The following TLL1 variants were observed in gnomAD, a reference collection of about 807,000 sequenced individuals.
TLL1 encodes the protein tolloid-like protein 1.
A neutral mutation model predicts 128.2 loss-of-function variants in TLL1; 49 were observed. That is an observed-to-expected ratio of 0.38 (90% CI 0.30 to 0.48). The LOEUF (loss-of-function observed/expected upper bound fraction) is 0.48. Ranked by LOEUF, TLL1 falls within the 20% of genes least tolerant of loss-of-function variation. The probability of loss-of-function intolerance (pLI) is 0.96; values close to 1 mark genes in which losing one functional copy is unlikely to be tolerated. For synonymous variants in TLL1, 454 were observed against 418.8 expected (o/e 1.08, Z -1.03); for missense variants, 1,123 against 1,242.0 (o/e 0.90, Z 1.44).
At chr4:166,097,678 A>G (rs1021062319) in intron 19 of TLL1, among the ~76,000 whole-genome samples, 3 of 152,144 alleles carry the variant, frequency 2.0e-5, no homozygotes, top group Non-Finnish European at 2.9e-5. Flanking sequence ...TGGGTAAACT[A>G]TATTCAAATC....
intron 1 of TLL1, among the ~76,000 whole-genome samples, chr4:165,957,972 G>T (rs1734893267): frequency 6.7e-6 from 1 of 149,274 alleles, no homozygotes. Flanking sequence ...TTGGTTTTTT[G>T]TCCTTGTGAT....
chr4:165,926,225 G>A (rs1733262087), intron 1 of TLL1, among the ~76,000 whole-genome samples: 1 of 152,098 alleles, frequency 6.6e-6, no homozygotes, highest in Admixed American at 6.5e-5. Context: ...TGAAATAGAA[G>A]TACTATACCA....
At chr4:165,908,654 A>T (rs1001768240) in intron 1 of TLL1, among the ~76,000 whole-genome samples, 4 of 151,884 alleles carry the variant, frequency 2.6e-5, no homozygotes, top group Non-Finnish European at 4.4e-5. Context: ...ATTCAGGTAA[A>T]GGAGGTTGGA....
intron 1 of TLL1, among the ~76,000 whole-genome samples, chr4:165,956,578 G>T (rs1349736289): frequency 1.3e-5 from 2 of 152,010 alleles, no homozygotes; most frequent in Non-Finnish European, 2.9e-5. Context: ...CCTTATGGTT[G>T]TCTTCCCTTG....
intron 1 of TLL1, among the ~76,000 whole-genome samples, chr4:165,899,136 GTCTA>G (rs57428429): frequency 0.24 from 36,578 of 151,570 alleles, 5,523 homozygotes; most frequent in East Asian, 0.51. Flanking sequence ...CTGGCTAGTG[GTCTA>G]TCTATTTTGT....
intron 5 of TLL1, among the ~76,000 whole-genome samples, chr4:166,001,216 G>T (rs995486478): frequency 1.3e-5 from 2 of 152,108 alleles, no homozygotes; most frequent in Non-Finnish European, 2.9e-5. Context: ...GGTGCATCAT[G>T]ATCCCAACTA....
chr4:166,068,081 T>C (rs1740654402), intron 16 of TLL1, among the ~76,000 whole-genome samples: 1 of 151,838 alleles, frequency 6.6e-6, no homozygotes, highest in South Asian at 2.1e-4. Context: ...AGGGTTCACT[T>C]TGTGAATCAT....
At chr4:166,026,083 A>G (rs1413624901) in intron 9 of TLL1, among the ~76,000 whole-genome samples, 1 of 152,196 alleles carries the variant, frequency 6.6e-6, no homozygotes, top group Admixed American at 6.5e-5. Flanking sequence ...ATTAAAAACA[A>G]CAACAACAAC....
At chr4:165,932,752 T>C in intron 1 of TLL1, among the ~76,000 whole-genome samples, 1 of 152,158 alleles carries the variant, frequency 6.6e-6, no homozygotes, top group East Asian at 1.9e-4. Context: ...ATTCCTTGTT[T>C]GCTTGACTCT....
At chr4:166,049,922 G>GCGTATA (rs1344011236) in intron 12 of TLL1, among the ~76,000 whole-genome samples, 1 of 151,798 alleles carries the variant, frequency 6.6e-6, no homozygotes, top group African/African-American at 2.4e-5. Flanking sequence ...ATTGCTCCAA[G>GCGTATA]CGTATATCAT....
chr4:166,052,965 G>GTGTGTGTGTATATATATATATATATA, intron 12 of TLL1, among the ~76,000 whole-genome samples: 3 of 99,646 alleles, frequency 3.0e-5, no homozygotes, highest in African/African-American at 1.1e-4. Flanking sequence ...GAGGTTATGT[G>GTGTGTGTGTATATATATATATATATA]TATATATATA....
At chr4:166,044,097 A>T (rs1402999324) in intron 12 of TLL1, among the ~76,000 whole-genome samples, 1 of 152,166 alleles carries the variant, frequency 6.6e-6, no homozygotes, top group Non-Finnish European at 1.5e-5. Flanking sequence ...CAGGAACTCC[A>T]GAGTATGTTT....
chr4:166,004,240 G>A (rs565219733), intron 6 of TLL1, among the ~76,000 whole-genome samples: 7 of 152,134 alleles, frequency 4.6e-5, no homozygotes, highest in Non-Finnish European at 7.4e-5. Flanking sequence ...TTCAGTTGCC[G>A]AAAAATATTC....
At chr4:165,899,027 T>C (rs779113916) in intron 1 of TLL1, among the ~76,000 whole-genome samples, 2 of 152,250 alleles carry the variant, frequency 1.3e-5, no homozygotes, top group Non-Finnish European at 2.9e-5. Flanking sequence ...GAAGTGTCTA[T>C]AGTATTCTCT....
At chr4:165,902,235 C>G (rs923679168) in intron 1 of TLL1, among the ~76,000 whole-genome samples, 3 of 151,958 alleles carry the variant, frequency 2.0e-5, no homozygotes, top group African/African-American at 7.2e-5. Context: ...CTTCAGCCCC[C>G]TTTCCAGGGG....
At chr4:165,938,451 A>G (rs530649351) in intron 1 of TLL1, among the ~76,000 whole-genome samples, 2 of 151,922 alleles carry the variant, frequency 1.3e-5, no homozygotes, top group African/African-American at 4.8e-5. Flanking sequence ...CGCCTGAGGA[A>G]TTTTCTTCCA....
At chr4:166,010,999 C>T (rs149221261) in intron 7 of TLL1, among the ~76,000 whole-genome samples, 6 of 150,840 alleles carry the variant, frequency 4.0e-5, no homozygotes, top group Non-Finnish European at 7.4e-5. Context: ...TTATTTCACC[C>T]GTCTATAGAT....
chr4:165,999,103 C>G (rs571422206), intron 5 of TLL1, among the ~76,000 whole-genome samples: 7 of 152,224 alleles, frequency 4.6e-5, no homozygotes, highest in Admixed American at 1.3e-4. Context: ...TTCAACAAGT[C>G]TCTAGGAAGT....
intron 1 of TLL1, among the ~76,000 whole-genome samples, chr4:165,883,945 G>C (rs1731070017): frequency 6.6e-6 from 1 of 152,098 alleles, no homozygotes; most frequent in African/African-American, 2.4e-5. Flanking sequence ...TAGAGTCTTG[G>C]CTATATATAT....
Sources: allele counts gnomAD v4.1 joint callset (sites outside exome capture counted in the v4.1 genomes callset), GRCh38; gene constraint gnomAD v4.1.1; transcripts MANE v1.5; gene names NCBI Gene and HGNC (gene_info 2026-07-23, HGNC 2026-07-21).